The following RASSF3 variants were observed in gnomAD, a reference collection of about 807,000 sequenced individuals.
RASSF3 encodes the protein ras association domain-containing protein 3.
Under a neutral mutation model 19.9 loss-of-function variants are expected in RASSF3, and 19 were observed. That is an observed-to-expected ratio of 0.96 (90% CI 0.67 to 1.40). RASSF3 has a LOEUF of 1.40. Among genes scored for constraint, RASSF3 ranks in the 40% most tolerant of loss-of-function variants. The probability of loss-of-function intolerance (pLI) is 0.00; values close to 1 mark genes in which losing one functional copy is unlikely to be tolerated. For missense variants in RASSF3, 306 were observed against 289.8 expected (o/e 1.06, Z -0.41); for synonymous variants, 110 against 104.2 (o/e 1.06, Z -0.34).
chr12:64,565,884 GA>G (rs35479688), intron 2 of RASSF3, among the ~76,000 whole-genome samples: 4,576 of 126,562 alleles, frequency 0.036, 134 homozygotes, highest in African/African-American at 0.075. Context: ...CTTCGTCTCA[GA>G]AAAAAAAAAA....
At chr12:64,544,281 T>C (rs1384506552), downstream of RASSF3, among the ~76,000 whole-genome samples, 1 of 150,440 alleles carries the variant, frequency 6.6e-6, no homozygotes, top group East Asian at 2.0e-4. Context: ...CCTTAAGAGC[T>C]CTCACACTCA....
At chr12:64,536,484 C>A (rs767412739) in intron 1 of RASSF3, among the ~76,000 whole-genome samples, 8 of 152,164 alleles carry the variant, frequency 5.3e-5, no homozygotes, top group Non-Finnish European at 7.4e-5. Flanking sequence ...TGTTGACCAG[C>A]ACACAGCTCT....
chr12:64,507,170 G>C (rs754998317), exon 1 of RASSF3: 25 of 398,520 alleles, frequency 6.3e-5, no homozygotes, highest in Non-Finnish European at 1.1e-4. Flanking sequence ...CATGCTCTCT[G>C]TAGCGAGTCA....
chr12:64,557,692 G>A (rs752117482), intron 2 of RASSF3, among the ~76,000 whole-genome samples: 3 of 152,122 alleles, frequency 2.0e-5, no homozygotes, highest in Non-Finnish European at 4.4e-5. Context: ...CAGCACCACA[G>A]AGACATCTCT....
At chr12:64,566,466 A>AT (rs1165630297) in intron 2 of RASSF3, among the ~76,000 whole-genome samples, 1 of 152,186 alleles carries the variant, frequency 6.6e-6, no homozygotes. Flanking sequence ...ACCTGGTGGG[A>AT]ACTCGGCAAG....
intron 1 of RASSF3, among the ~76,000 whole-genome samples, chr12:64,665,057 G>A (rs1199456174): frequency 6.6e-6 from 1 of 152,146 alleles, no homozygotes; most frequent in Non-Finnish European, 1.5e-5. Context: ...CAGAGTTCAG[G>A]ATGAAAAGGT....
At chr12:64,569,447 C>A (rs796159484) in intron 2 of RASSF3, among the ~76,000 whole-genome samples, 9 of 152,316 alleles carry the variant, frequency 5.9e-5, no homozygotes, top group African/African-American at 2.2e-4. Context: ...GTGGTGTTGG[C>A]CCCTTCCCAC....
rs747053745 is a variant in RASSF3, at chr12:64,691,507, C to T, written c.495C>T (p.Leu165=). The change falls in exon 4 of 5, where the codon CTC becomes CTT. Residue 165 remains leucine, a synonymous_variant. Transcript: ENST00000542104. ...ACKLSDREHP[L]YLRLVAGPRT... is the part of the protein sequence containing the mutation. ...AGCTCTCAGACCGGGAACATCCACT[C>T]TACCTGCGTTTGGTAGCAGGGCCCA... 6.2e-7 allele frequency: 1 copy of T among 1,614,096 alleles called. No homozygotes were observed. Among genetic ancestry groups the T allele is most frequent in the Non-Finnish European group, 8.5e-7 (1 of 1,179,918 alleles).
chr12:64,582,227 C>T (rs1869715542), intron 2 of RASSF3, among the ~76,000 whole-genome samples: 1 of 152,124 alleles, frequency 6.6e-6, no homozygotes, highest in African/African-American at 2.4e-5. Context: ...AGATTAGGGT[C>T]TATTGTAAAA....
At chr12:64,656,482 C>T (rs550059205) in intron 1 of RASSF3, among the ~76,000 whole-genome samples, 1 of 152,284 alleles carries the variant, frequency 6.6e-6, no homozygotes, top group Admixed American at 6.5e-5. Flanking sequence ...AATGAATTTG[C>T]AGTGCTGAAA....
At chr12:64,682,715 CCTG>C (rs1873183692) in intron 1 of RASSF3, among the ~76,000 whole-genome samples, 1 of 152,136 alleles carries the variant, frequency 6.6e-6, no homozygotes, top group South Asian at 2.1e-4. Context: ...AGTAGCCCCT[CCTG>C]CTGTATTTAC....
rs1364564945 is a variant in RASSF3 at position 64,697,281 on chromosome 12, G to T, written c.*2369G>T. The T allele has an allele frequency of 2.6e-5, 4 of 152,030 alleles. No homozygotes were observed. Among genetic ancestry groups the T allele is most frequent in the Non-Finnish European group, 5.9e-5 (4 of 68,008 alleles). 9.4% of individuals were successfully genotyped at this position (152,030 alleles called of 1,614,324 possible). A position where few individuals can be genotyped will look rare whatever the true frequency, so the allele number is the denominator to read the frequency against. On this transcript the variant is annotated 3_prime_UTR_variant, in exon 5 of 5. Transcript: ENST00000542104. ...TTTAATGTGTAAGTGAAGAAAAAAG[G>T]CCACTAAGGCCAAAGATTTTTTAAG...
At chr12:64,518,121 A>T (rs1284585866) in intron 1 of RASSF3, among the ~76,000 whole-genome samples, 1 of 152,180 alleles carries the variant, frequency 6.6e-6, no homozygotes, top group Non-Finnish European at 1.5e-5. Context: ...AATTAAAAAG[A>T]TAAAAAATTA....
chr12:64,560,081 A>G (rs1869322935), intron 2 of RASSF3, among the ~76,000 whole-genome samples: 1 of 152,182 alleles, frequency 6.6e-6, no homozygotes, highest in South Asian at 2.1e-4. Flanking sequence ...GGTAGTTCTT[A>G]CTATGAAATG....
At chr12:64,653,418 T>C (rs772048641) in intron 1 of RASSF3, among the ~76,000 whole-genome samples, 3 of 152,132 alleles carry the variant, frequency 2.0e-5, no homozygotes, top group Non-Finnish European at 4.4e-5. Context: ...TCAGTTATAT[T>C]GCATTAGGAA....
chr12:64,578,038 G>A (rs895973670), intron 2 of RASSF3, among the ~76,000 whole-genome samples: 15 of 152,040 alleles, frequency 9.9e-5, no homozygotes, highest in African/African-American at 3.6e-4. Context: ...GGCCAACTTG[G>A]TGAAACCCCA....
intron 1 of RASSF3, chr12:64,507,537 T>C (rs1868299527): frequency 1.4e-5 from 5 of 362,478 alleles, no homozygotes; most frequent in Admixed American, 4.6e-5. Flanking sequence ...TTAGAAGCCA[T>C]GAACATTGTT....
chr12:64,603,391 A>T (rs753703517), intron 2 of RASSF3, among the ~76,000 whole-genome samples: 2 of 152,178 alleles, frequency 1.3e-5, no homozygotes, highest in Non-Finnish European at 2.9e-5. Flanking sequence ...TCACTTGGAC[A>T]CAGATACCGA....
intron 1 of RASSF3, among the ~76,000 whole-genome samples, chr12:64,647,008 T>G (rs1871757817): frequency 6.6e-6 from 1 of 152,184 alleles, no homozygotes; most frequent in Non-Finnish European, 1.5e-5. Context: ...CCCAAGTTTA[T>G]CTAGCTAGTA....
Sources: gnomAD v4.1 joint callset for allele counts (sites outside exome capture counted in the v4.1 genomes callset) on GRCh38, gnomAD v4.1.1 for gene constraint, MANE v1.5 for transcripts, NCBI Gene and HGNC (gene_info 2026-07-23, HGNC 2026-07-21) for gene names.